Variants in SRGAP2B observed in about 807,000 individuals in gnomAD.
The protein encoded by SRGAP2B is SLIT-ROBO Rho GTPase activating protein 2B, also known as SLIT-ROBO Rho GTPase-activating protein 2B.
Under a neutral mutation model 22.2 loss-of-function variants are expected in SRGAP2B, and 9 were observed. The observed-to-expected ratio is 0.41, with a 90% CI of 0.24 to 0.71. The LOEUF is 0.71. SRGAP2B is among the 30% of genes least tolerant of loss of function. The probability of loss-of-function intolerance (pLI) is 0.35; values close to 1 mark genes in which losing one functional copy is unlikely to be tolerated. For synonymous variants in SRGAP2B, 36 were observed against 87.4 expected (o/e 0.41, Z 3.28); for missense variants, 114 against 235.8 (o/e 0.48, Z 3.38).
rs1164895348 is a variant in SRGAP2B, at chr1:145,067,308, T to A, written c.67+25527A>T. Among the ~76,000 whole-genome samples the A allele has an allele frequency of 5.0e-4, 73 of 147,378 alleles. 2 individuals carry two copies. The highest frequency in any genetic ancestry group is 1.7e-3 in the African/African-American group (65 of 38,900). ...TGTCTAAAAAAAAAAAAAAAAAAAT[T>A]AGAAAACTAATTATCAGAGAAGCCA... On this transcript the variant is annotated intron_variant, in intron 2 of 9. Transcript: ENST00000612199.
chr1:145,025,911 G>A (rs1285664583), intron 2 of SRGAP2B, among the ~76,000 whole-genome samples: 18 of 150,694 alleles, frequency 1.2e-4, no homozygotes, highest in Non-Finnish European at 1.9e-4. Context: ...ACGCTTTAAC[G>A]CAATGGTCTG....
chr1:145,085,194 G>A (rs1471473722), intron 2 of SRGAP2B, among the ~76,000 whole-genome samples: 1 of 150,620 alleles, frequency 6.6e-6, no homozygotes, highest in Non-Finnish European at 1.5e-5. Context: ...CATCTGCCTC[G>A]GCCTCTCAAA....
rs1175239925 is a variant in SRGAP2B, at chr1:145,012,717, TATA to T, written c.68-17520_68-17518del. 2.8e-4 allele frequency among the ~76,000 whole-genome samples: 36 copies of T among 130,872 alleles called. 1 individual carries two copies. The highest frequency in any genetic ancestry group is 4.6e-4 in the African/African-American group (14 of 30,748). The allele number at this position is 130,872 out of a possible 152,430, so 85.9% of individuals were successfully genotyped here. Reference sequence around the variant, plus strand: ...GGTTTTCCTAAATTTTACTCCCCACTATAATATTTTTTTCAATATTGCTACCAT... The same window carrying T: ...GGTTTTCCTAAATTTTACTCCCCACTATATTTTTTTCAATATTGCTACCAT... On this transcript the variant is annotated intron_variant, in intron 2 of 9. Transcript: ENST00000612199.
intron 5 of SRGAP2B, among the ~76,000 whole-genome samples, chr1:144,907,563 T>G (rs1333758172): frequency 6.7e-6 from 1 of 150,022 alleles, no homozygotes; most frequent in Non-Finnish European, 1.5e-5. Context: ...GTTAGAGAAG[T>G]GTCTCAACCT....
intron 3 of SRGAP2B, among the ~76,000 whole-genome samples, chr1:144,957,052 G>A (rs1474926508): frequency 6.6e-6 from 1 of 150,522 alleles, no homozygotes; most frequent in Non-Finnish European, 1.5e-5. Context: ...AGGTCATATA[G>A]CTAAAAAGTG....
exon 10 of SRGAP2B, chr1:144,888,865 C>G (rs1253676712): frequency 8.0e-6 from 1 of 124,694 alleles, no homozygotes; most frequent in Non-Finnish European, 1.6e-5. Context: ...CTCAAACTCC[C>G]GACCTCAGGT....
intron 2 of SRGAP2B, among the ~76,000 whole-genome samples, chr1:145,020,191 G>A (rs1403020126): frequency 3.5e-5 from 5 of 142,450 alleles, no homozygotes; most frequent in African/African-American, 5.5e-5. Flanking sequence ...GAGGTGGGAG[G>A]ATTGCTTGAA....
intron 7 of SRGAP2B, among the ~76,000 whole-genome samples, chr1:144,904,363 T>C (rs1662831109): frequency 1.0e-5 from 1 of 98,364 alleles, no homozygotes; most frequent in Non-Finnish European, 2.0e-5. Flanking sequence ...TGCCACTCAC[T>C]TCTGTGCAAG....
intron 3 of SRGAP2B, among the ~76,000 whole-genome samples, chr1:144,965,959 TG>T (rs1476685797): frequency 2.7e-5 from 4 of 150,582 alleles, no homozygotes; most frequent in Non-Finnish European, 5.9e-5. Flanking sequence ...TAAAAAGAAA[TG>T]AGCAAAGCCT....
chr1:145,009,051 C>T (rs1249088008), intron 2 of SRGAP2B, among the ~76,000 whole-genome samples: 1 of 146,344 alleles, frequency 6.8e-6, no homozygotes, highest in Non-Finnish European at 1.5e-5. Flanking sequence ...GTGGCGGGCG[C>T]CTGTAGTCCC....
intron 2 of SRGAP2B, among the ~76,000 whole-genome samples, chr1:145,041,108 G>A (rs1472656038): frequency 1.5e-5 from 1 of 65,596 alleles, no homozygotes; most frequent in African/African-American, 7.1e-5. Context: ...TATATATATA[G>A]TCTGCTTTCC....
intron 5 of SRGAP2B, among the ~76,000 whole-genome samples, chr1:144,909,642 T>C (rs1275862906): frequency 6.7e-6 from 1 of 149,648 alleles, no homozygotes; most frequent in Admixed American, 6.6e-5. Context: ...CCCTCTCCCA[T>C]TGTAGTGGAA....
intron 2 of SRGAP2B, among the ~76,000 whole-genome samples, chr1:145,080,113 G>C (rs1258163484): frequency 6.7e-6 from 1 of 149,398 alleles, no homozygotes; most frequent in East Asian, 1.9e-4. Flanking sequence ...TTCCATTTCT[G>C]ACCTACCAAC....
At chr1:144,889,067 A>G (rs1434627476) in exon 10 of SRGAP2B, 3 of 137,534 alleles carry the variant, frequency 2.2e-5, no homozygotes, top group African/African-American at 8.8e-5. Context: ...TAATCCTCCC[A>G]CCTTAGCCTC....
chr1:145,070,032 TC>T (rs1267936168), intron 2 of SRGAP2B, among the ~76,000 whole-genome samples: 58 of 149,410 alleles, frequency 3.9e-4, no homozygotes, highest in African/African-American at 1.2e-3. Flanking sequence ...AGGAATGTCA[TC>T]TTTTTTTTTT....
Position 145,020,935 on chromosome 1 carries a change from G to A in SRGAP2B, c.68-25735C>T, listed in dbSNP as rs1227840449. The stretch of plus-strand genomic sequence containing the variant: ...ATGCCTCAGCTTCCCAAGTAGCTGG[G>A]ATTACAAGCGTGCGCCACCATGCCG... On this transcript the variant is annotated intron_variant, in intron 2 of 9. Transcript: ENST00000612199. Among the ~76,000 whole-genome samples, 166 of 149,034 alleles carry A rather than the reference G, an allele frequency of 1.1e-3. 1 individual carries two copies. The highest frequency in any genetic ancestry group is 1.9e-3 in the Non-Finnish European group (131 of 67,618).
At chr1:145,002,590 A>C (rs1188549414) in intron 2 of SRGAP2B, among the ~76,000 whole-genome samples, 1 of 148,606 alleles carries the variant, frequency 6.7e-6, no homozygotes, top group East Asian at 2.0e-4. Context: ...TATAAAAAAG[A>C]AACAAACAAA....
At chr1:144,933,029 TG>T (rs1454058219) in intron 4 of SRGAP2B, among the ~76,000 whole-genome samples, 4 of 150,882 alleles carry the variant, frequency 2.7e-5, no homozygotes, top group African/African-American at 9.8e-5. Flanking sequence ...TCCTATGCTG[TG>T]GTAGCTCCCA....
At chr1:144,984,187 G>A (rs1179082929) in intron 3 of SRGAP2B, among the ~76,000 whole-genome samples, 1 of 150,324 alleles carries the variant, frequency 6.7e-6, no homozygotes, top group African/African-American at 2.5e-5. Context: ...TGGCGTCGTG[G>A]CGCATGCCTG....
Sources: gnomAD v4.1 joint callset for allele counts (sites outside exome capture counted in the v4.1 genomes callset) on GRCh38, gnomAD v4.1.1 for gene constraint, MANE v1.5 for transcripts, NCBI Gene and HGNC (gene_info 2026-07-23, HGNC 2026-07-21) for gene names.